The following SLC4A4 variants were observed in gnomAD, a reference collection of about 807,000 sequenced individuals.
SLC4A4 encodes the protein solute carrier family 4 member 4.
SLC4A4 carries 27 observed loss-of-function variants against 111.5 expected under a neutral mutation model. That is an observed-to-expected ratio of 0.24 (90% CI 0.18 to 0.33). The LOEUF is 0.33. Ranked by LOEUF, SLC4A4 falls within the 10% of genes least tolerant of loss-of-function variation. The pLI is 1.00. For synonymous variants in SLC4A4, 443 were observed against 463.4 expected, an observed-to-expected ratio of 0.96 and a Z score of 0.57; for missense variants, 909 against 1,315.5, an observed-to-expected ratio of 0.69 and a Z score of 4.78.
intron 7 of SLC4A4, among the ~76,000 whole-genome samples, chr4:71,427,559 C>G (rs75514692): frequency 0.055 from 8,304 of 152,012 alleles, 317 homozygotes; most frequent in Non-Finnish European, 0.083. Context: ...TGTTTTTACC[C>G]CCTCTTGGGA....
chr4:71,379,299 A>C (rs751340134), intron 6 of SLC4A4, among the ~76,000 whole-genome samples: 6 of 152,144 alleles, frequency 3.9e-5, no homozygotes, highest in Non-Finnish European at 8.8e-5. Flanking sequence ...GTCTCTGCCT[A>C]ACGCCCTAAT....
At chr4:71,150,943 G>T (rs925687447) in intron 2 of SLC4A4, among the ~76,000 whole-genome samples, 9 of 152,182 alleles carry the variant, frequency 5.9e-5, no homozygotes, top group African/African-American at 2.2e-4. Flanking sequence ...CTATTTGAAA[G>T]ACCATGCCTC....
intron 24 of SLC4A4, among the ~76,000 whole-genome samples, chr4:71,564,347 T>A (rs1294018698): frequency 1.3e-5 from 2 of 151,860 alleles, no homozygotes; most frequent in East Asian, 1.9e-4. Flanking sequence ...TTTGGAAAAA[T>A]TTAATTTTGA....
intron 1 of SLC4A4, among the ~76,000 whole-genome samples, chr4:71,203,520 C>T (rs998152473): frequency 6.6e-6 from 1 of 152,116 alleles, no homozygotes; most frequent in South Asian, 2.1e-4. Flanking sequence ...CTCATGACTC[C>T]CAATTTAAAA....
At chr4:71,124,613 G>T (rs980978849) in intron 2 of SLC4A4, among the ~76,000 whole-genome samples, 1 of 151,904 alleles carries the variant, frequency 6.6e-6, no homozygotes, top group African/African-American at 2.4e-5. Context: ...AAATTATTGC[G>T]CTCACTTCCT....
At chr4:71,491,717 T>C (rs1350700422) in intron 15 of SLC4A4, among the ~76,000 whole-genome samples, 2 of 151,888 alleles carry the variant, frequency 1.3e-5, no homozygotes, top group South Asian at 2.1e-4. Context: ...CTTAAATGTA[T>C]GTATAGCTCA....
intron 20 of SLC4A4, 32 bp from the exon 21 acceptor site, chr4:71,555,108 T>G: frequency 1.4e-6 from 2 of 1,466,640 alleles, no homozygotes; most frequent in Non-Finnish European, 1.9e-6. Context: ...CTTGTTATCA[T>G]TTTTAAGTTG....
At chr4:71,243,568 G>C (rs927368102) in intron 2 of SLC4A4, among the ~76,000 whole-genome samples, 1 of 152,040 alleles carries the variant, frequency 6.6e-6, no homozygotes, top group Non-Finnish European at 1.5e-5. Flanking sequence ...TTGCATTTAG[G>C]TGACTGAGGT....
chr4:71,423,066 C>T (rs1299762079), intron 7 of SLC4A4, among the ~76,000 whole-genome samples: 2 of 152,180 alleles, frequency 1.3e-5, no homozygotes, highest in Non-Finnish European at 2.9e-5. Context: ...TTGCAGACGA[C>T]ATGGTTGTAT....
intron 14 of SLC4A4, 124 bp from the exon 15 acceptor site, chr4:71,486,824 C>T: frequency 1.7e-6 from 1 of 583,148 alleles, no homozygotes; most frequent in Non-Finnish European, 3.1e-6. Context: ...ATTCATTGTG[C>T]CCTTATGTTG....
At chr4:71,104,606 G>T (rs1742854780) in intron 2 of SLC4A4, among the ~76,000 whole-genome samples, 1 of 74,260 alleles carries the variant, frequency 1.3e-5, no homozygotes, top group Non-Finnish European at 2.7e-5. Context: ...TGGGATGCAA[G>T]GCTGGTTCAA....
chr4:71,529,432 C>T (rs759933108), intron 16 of SLC4A4, among the ~76,000 whole-genome samples: 4 of 150,608 alleles, frequency 2.7e-5, no homozygotes, highest in Non-Finnish European at 5.9e-5. Flanking sequence ...TGGAATCATG[C>T]GTCTTGATCT....
At chr4:71,563,200 T>C (rs954311128) in intron 23 of SLC4A4, among the ~76,000 whole-genome samples, 3 of 151,856 alleles carry the variant, frequency 2.0e-5, no homozygotes, top group South Asian at 2.1e-4. Context: ...TTCTTATGTT[T>C]TGCTTACATT....
chr4:71,341,538 A>T (rs370578144), intron 4 of SLC4A4, among the ~76,000 whole-genome samples: 1 of 152,164 alleles, frequency 6.6e-6, no homozygotes, highest in East Asian at 1.9e-4. Context: ...ATGGATGAAG[A>T]GTCTTTTAAG....
intron 3 of SLC4A4, among the ~76,000 whole-genome samples, chr4:71,258,697 A>G (rs1182204858): frequency 6.6e-6 from 1 of 152,136 alleles, no homozygotes; most frequent in Non-Finnish European, 1.5e-5. Flanking sequence ...TTAAGCCTGG[A>G]ACATCGTATT....
intron 1 of SLC4A4, among the ~76,000 whole-genome samples, chr4:71,083,597 A>G (rs1462501328): frequency 6.6e-6 from 1 of 151,900 alleles, no homozygotes; most frequent in Non-Finnish European, 1.5e-5. Flanking sequence ...ACAAGAACAG[A>G]CTCCAAAGTT....
chr4:71,427,771 A>G (rs972656204), intron 7 of SLC4A4, among the ~76,000 whole-genome samples: 1 of 152,170 alleles, frequency 6.6e-6, no homozygotes, highest in Non-Finnish European at 1.5e-5. Flanking sequence ...TGGAAGCTGA[A>G]TATAGTTCAC....
chr4:71,196,664 T>G (rs931259117), intron 1 of SLC4A4, among the ~76,000 whole-genome samples: 1 of 151,296 alleles, frequency 6.6e-6, no homozygotes, highest in Non-Finnish European at 1.5e-5. Flanking sequence ...GGAGGGATAC[T>G]TAGTATTTTT....
At chr4:71,137,583 T>C (rs565516444) in intron 2 of SLC4A4, among the ~76,000 whole-genome samples, 14 of 152,234 alleles carry the variant, frequency 9.2e-5, no homozygotes, top group Non-Finnish European at 1.8e-4. Context: ...TAATAGTTCC[T>C]AGTTCTGCCA....
Sources: allele counts gnomAD v4.1 joint callset (sites outside exome capture counted in the v4.1 genomes callset), GRCh38; gene constraint gnomAD v4.1.1; transcripts MANE v1.5; gene names NCBI Gene and HGNC (gene_info 2026-07-23, HGNC 2026-07-21).